The following SPAG9 variants were observed in gnomAD, a reference collection of about 807,000 sequenced individuals.
SPAG9 encodes the protein C-Jun-amino-terminal kinase-interacting protein 4.
Under a neutral mutation model 166.5 loss-of-function variants are expected in SPAG9, and 35 were observed. The ratio of observed to expected loss-of-function variants is 0.21; its 90% confidence interval spans 0.16 to 0.28. The LOEUF is 0.28. Ranked by LOEUF, SPAG9 falls within the 10% of genes least tolerant of loss-of-function variation. SPAG9 has a pLI of 1.00. For missense variants in SPAG9, 1,235 were observed against 1,603.3 expected (o/e 0.77, Z 3.92); for synonymous variants, 534 against 565.5 (o/e 0.94, Z 0.79).
At chr17:51,031,581 G>A in intron 6 of SPAG9, 100 bp downstream of exon 6, 1 of 861,304 alleles carries the variant, frequency 1.2e-6, no homozygotes, top group South Asian at 1.4e-5. Context: ...AGTCTTCCAA[G>A]CTGAGCATCT....
At chr17:51,019,089 C>T (rs2045824102) in intron 8 of SPAG9, among the ~76,000 whole-genome samples, 1 of 152,106 alleles carries the variant, frequency 6.6e-6, no homozygotes, top group African/African-American at 2.4e-5. Context: ...ATCCAGTGTT[C>T]AGGGCTCACT....
At chr17:51,032,895 T>C (rs1042482793) in intron 5 of SPAG9, among the ~76,000 whole-genome samples, 5 of 151,948 alleles carry the variant, frequency 3.3e-5, no homozygotes, top group African/African-American at 9.7e-5. Context: ...GATCACGCCA[T>C]TGCACTACAT....
intron 27 of SPAG9, chr17:50,976,747 C>T (rs1258320187): frequency 1.8e-5 from 3 of 164,298 alleles, no homozygotes; most frequent in Non-Finnish European, 3.9e-5. Flanking sequence ...ATGGAATATA[C>T]TAAACTATCT....
At chr17:51,044,259 C>T (rs1013261220) in intron 4 of SPAG9, among the ~76,000 whole-genome samples, 1 of 152,126 alleles carries the variant, frequency 6.6e-6, no homozygotes, top group African/African-American at 2.4e-5. Context: ...TAGTCCAGTA[C>T]TATGTTGGCA....
intron 26 of SPAG9, 34 bp downstream of exon 26, chr17:50,979,712 T>C (rs1974456573): frequency 6.3e-7 from 1 of 1,588,972 alleles, no homozygotes; most frequent in Non-Finnish European, 8.6e-7. Context: ...ACACCCTCTT[T>C]GACTGGTAAA....
chr17:50,989,709 G>T lies in SPAG9; in HGVS notation c.2781C>A (p.Ile927=). 1 of 1,614,152 alleles carries T rather than the reference G, an allele frequency of 6.2e-7. No individual in the cohort carries two copies. Among genetic ancestry groups the T allele is most frequent in the Non-Finnish European group, 8.5e-7 (1 of 1,180,030 alleles). Residue 927 remains isoleucine (I), a synonymous_variant, in exon 21 of 30, where the codon ATC becomes ATA. Coordinates refer to ENST00000262013, the MANE Select transcript of SPAG9 (RefSeq NM_001130528.3). ...GATACACTGGGGAGAGGTCTTCTGG[G>T]ATCTGAACTCCCAAAGGATCTGTAA... ...HVFTDPLGVQ[I]PEDLSPVYQS... is the part of the protein sequence containing the mutation.
chr17:51,014,434 G>C, intron 8 of SPAG9, 81 bp from the exon 9 acceptor site: 2 of 1,221,378 alleles, frequency 1.6e-6, no homozygotes, highest in South Asian at 1.9e-5. Context: ...AATAGGCTAA[G>C]CTACATAGGA....
Position 51,057,868 on chromosome 17 carries a change from A to C in SPAG9, c.425-1386T>G, listed in dbSNP as rs145502577. Among the ~76,000 whole-genome samples the C allele has an allele frequency of 3.0e-3, 464 of 152,330 alleles. 2 individuals carry two copies. The highest frequency in any genetic ancestry group is 0.011 in the African/African-American group (451 of 41,570). On this transcript the variant is annotated intron_variant, in intron 2 of 29. Coordinates refer to ENST00000262013, the MANE Select transcript of SPAG9 (RefSeq NM_001130528.3). Reference sequence around the variant, plus strand: ...AAATTTATTATGCAGATGTGTTGTGATAAAATAATAGATGCTAAAACCACA... The same window carrying C: ...AAATTTATTATGCAGATGTGTTGTGCTAAAATAATAGATGCTAAAACCACA...
chr17:51,044,944 A>C (rs1021202231), intron 4 of SPAG9, among the ~76,000 whole-genome samples: 1 of 152,234 alleles, frequency 6.6e-6, no homozygotes, highest in African/African-American at 2.4e-5. Context: ...GCTGTAGCTA[A>C]AACAATTTCT....
At chr17:51,110,190 T>C (rs1004655730) in intron 1 of SPAG9, among the ~76,000 whole-genome samples, 1 of 152,184 alleles carries the variant, frequency 6.6e-6, no homozygotes, top group African/African-American at 2.4e-5. Flanking sequence ...CAATTAAATA[T>C]GTGTATGTGT....
chr17:51,082,377 C>CA (rs773287286), intron 1 of SPAG9, among the ~76,000 whole-genome samples: 3,385 of 48,840 alleles, frequency 0.069, 306 homozygotes, highest in Non-Finnish European at 0.099. Context: ...AAGACTGTCT[C>CA]AAAAAAAAAA....
At chr17:51,096,022 G>GATATATATATAGTGAT (rs1568084100) in intron 1 of SPAG9, among the ~76,000 whole-genome samples, 7,887 of 95,174 alleles carry the variant, frequency 0.083, 626 homozygotes, top group East Asian at 0.15. Context: ...TATATATAGT[G>GATATATATATAGTGAT]ATATATATAT....
intron 1 of SPAG9, among the ~76,000 whole-genome samples, chr17:51,117,633 C>T (rs1468062987): frequency 7.1e-6 from 1 of 140,536 alleles, no homozygotes; most frequent in African/African-American, 2.7e-5. Flanking sequence ...CGCTTGAACC[C>T]GGGAGGCGGA....
intron 1 of SPAG9, among the ~76,000 whole-genome samples, chr17:51,080,492 T>C (rs1428176900): frequency 6.6e-6 from 1 of 152,164 alleles, no homozygotes; most frequent in African/African-American, 2.4e-5. Flanking sequence ...GTACGAACTA[T>C]ATGCTGACAA....
In SPAG9 at chr17:50,999,325, A is replaced by C. The variant is rs527257876; in HGVS notation, c.1664+336T>G. 41 of 623,570 alleles carry C rather than the reference A, an allele frequency of 6.6e-5. No individual in the cohort carries two copies. The African/African-American group carries it at 7.6e-4, about 12-fold the overall frequency. 38.6% of individuals were successfully genotyped at this position (623,570 alleles called of 1,614,324 possible). ...GTTTCTTACAATCACAAAACCAGCC[A>C]ATCAGAAACTTATTTAATGGGGATC... On this transcript the variant is annotated intron_variant, in intron 14 of 29. Coordinates refer to ENST00000262013, the MANE Select transcript of SPAG9 (RefSeq NM_001130528.3).
intron 2 of SPAG9, among the ~76,000 whole-genome samples, chr17:51,078,801 GC>G (rs1370799046): frequency 4.0e-5 from 6 of 151,540 alleles, no homozygotes; most frequent in African/African-American, 1.5e-4. Flanking sequence ...AAAAAAAGGA[GC>G]AAAAAAGAGG....
chr17:51,039,147 CTAACAT>C (rs1438068985), intron 5 of SPAG9, among the ~76,000 whole-genome samples: 1 of 152,214 alleles, frequency 6.6e-6, no homozygotes, highest in Non-Finnish European at 1.5e-5. Context: ...GGTAGTAACA[CTAACAT>C]TAATTATAAA....
At chr17:51,045,479 G>A (rs897777378) in intron 4 of SPAG9, among the ~76,000 whole-genome samples, 1 of 151,662 alleles carries the variant, frequency 6.6e-6, no homozygotes, top group Non-Finnish European at 1.5e-5. Context: ...TTAATTTCTG[G>A]GCTTTCAACT....
chr17:51,097,654 G>A (rs2048683790), intron 1 of SPAG9, among the ~76,000 whole-genome samples: 3 of 152,112 alleles, frequency 2.0e-5, no homozygotes, highest in Non-Finnish European at 4.4e-5. Flanking sequence ...AGTGTTGTCG[G>A]TAGTCTTGGG....
Sources: gnomAD v4.1 joint callset for allele counts (sites outside exome capture counted in the v4.1 genomes callset) on GRCh38, gnomAD v4.1.1 for gene constraint, MANE v1.5 for transcripts, NCBI Gene and HGNC (gene_info 2026-07-23, HGNC 2026-07-21) for gene names.